The following ZNF142 variants were observed in gnomAD, a reference collection of about 807,000 sequenced individuals.
The protein encoded by ZNF142 is zinc finger protein 142 (clone pHZ-49).
In ZNF142, 96 loss-of-function variants were observed where a neutral mutation model predicts 132.1. That is an observed-to-expected ratio of 0.73 (90% confidence interval 0.62 to 0.86). The LOEUF is 0.86. Ranked by LOEUF, ZNF142 falls within the 40% of genes least tolerant of loss-of-function variation. The pLI is 0.00. For synonymous variants in ZNF142, 842 were observed against 890.1 expected, an observed-to-expected ratio of 0.95 and a Z score of 0.96; for missense variants, 2,163 against 2,336.2, an observed-to-expected ratio of 0.93 and a Z score of 1.53.
chr2:218,649,238 A>G lies in ZNF142; in HGVS notation c.1270T>C (p.Cys424Arg). The G allele has an allele frequency of 6.2e-7, 1 of 1,614,232 alleles. No individual in the cohort carries two copies. Among genetic ancestry groups the G allele is most frequent in the African/African-American group, 1.3e-5 (1 of 75,068 alleles). Residue 424 changes from cysteine (C) to arginine (R), a missense_variant, in exon 7 of 11, where the codon TGC becomes CGC. Physicochemically the swap from Cys to Arg is radical, Grantham distance 180. This residue lies in a region of ZNF142 where 749 missense variants were observed against 830.3 expected (regional missense o/e 0.90). Coordinates refer to ENST00000411696, the MANE Select transcript of ZNF142 (RefSeq NM_001379659.1). Reference protein sequence around the residue: ...LGEKAHHCPLCHYSAVERNAL... With the variant: ...LGEKAHHCPLRHYSAVERNAL... ...TTCCTCTCCACCGCACTGTAGTGGC[A>G]CAGTGGGCAGTGGTGGGCCTTTTCA... is the stretch of plus-strand genomic sequence containing the variant.
Position 218,650,474 on chromosome 2 carries a change from G to A in ZNF142, c.933C>T (p.Pro311=), listed in dbSNP as rs1319592802. 2.5e-6 allele frequency: 4 copies of A among 1,611,102 alleles called. No individual in the cohort carries two copies. The highest frequency in any genetic ancestry group is 3.4e-6 in the Non-Finnish European group (4 of 1,178,770). ...CTTCAGCTGTCTCCTGCCCAGGCAA[G>A]GGTGTACCTGCTTCCTGTGAAGGTT... ...EREPSQEAGT[P]LPGQETAEEE... is the part of the protein sequence containing the mutation. Residue 311 remains proline (P), a synonymous_variant, in exon 6 of 11, where the codon CCC becomes CCT. Coordinates refer to ENST00000411696, the MANE Select transcript of ZNF142 (RefSeq NM_001379659.1).
At chr2:218,652,340 A>G (rs1270381488) in intron 4 of ZNF142, 40 bp from the exon 5 acceptor site, 3 of 456,472 alleles carry the variant, frequency 6.6e-6, no homozygotes, top group South Asian at 4.7e-5. Context: ...ATAGAATCAG[A>G]TGGAACAAGA....
chr2:218,649,502 T>C, intron 6 of ZNF142, 43 bp from the exon 7 acceptor site: 1 of 1,484,426 alleles, frequency 6.7e-7, no homozygotes, highest in African/African-American at 1.4e-5. Flanking sequence ...GAGATTTTTC[T>C]GGGGAAAGCC....
chr2:218,657,170 G>A (rs570777105), intron 3 of ZNF142, among the ~76,000 whole-genome samples: 2 of 152,064 alleles, frequency 1.3e-5, no homozygotes, highest in African/African-American at 4.8e-5. Flanking sequence ...TGGATTATAA[G>A]GAAGGCCCTT....
chr2:218,647,416 C>A (rs564963956), intron 7 of ZNF142, among the ~76,000 whole-genome samples: 1 of 826 alleles, frequency 1.2e-3, no homozygotes, highest in Admixed American at 0.033. Flanking sequence ...GAGCCAGACT[C>A]CATCTCAAAA....
At position 218,642,486 on chromosome 2, in the gene ZNF142, G is replaced by A. The variant is rs774495771; in HGVS notation, c.4630C>T (p.Arg1544Ter). ...GLLCPSPASL[R>*]GHTRKQHPRL... ...GGGTGCTGTTTACGGGTGTGTCCTC[G>A]TAAGCTGGCAGGGCTGGGGCACAGC... Residue 1544 changes from arginine to a stop codon, truncating the protein, a stop_gained, in exon 9 of 11, where the codon CGA (arginine) becomes TGA (stop). Transcript: ENST00000411696. LOFTEE classifies it high-confidence loss of function. The surrounding 1 kb of genome is among the most constrained non-coding windows in gnomAD (Gnocchi z 4.6). 5.0e-6 allele frequency: 8 copies of A among 1,607,918 alleles called. No individual in the cohort carries two copies. Among genetic ancestry groups the A allele is most frequent in the African/African-American group, 1.3e-5 (1 of 74,842 alleles).
Position 218,642,372 on chromosome 2 carries a change from A to G in ZNF142, c.4744T>C (p.Cys1582Arg), listed in dbSNP as rs761517709. Reference protein sequence around the residue: ...HRRQQHFSHRCQLCDFAARER... With the variant: ...HRRQQHFSHRRQLCDFAARER... ...CGGGCAGCAAAGTCACAGAGCTGAC[A>G]GCGGTGGCTGAAATGCTGCTGCCTC... The change falls in exon 9 of 11, where the codon TGT becomes CGT. Residue 1582 changes from cysteine (C) to arginine (R), a missense_variant. Physicochemically the swap from Cys to Arg is radical, Grantham distance 180. Around this residue, in one of 7 missense-constraint regions of ZNF142, gnomAD observed 809 missense variants for 801.7 expected, o/e 1.01. Transcript: ENST00000411696. The surrounding 1 kb of genome is among the most constrained non-coding windows in gnomAD (Gnocchi z 4.6). 1 of 1,613,202 alleles carries G rather than the reference A, an allele frequency of 6.2e-7. No individual in the cohort carries two copies. Among genetic ancestry groups the G allele is most frequent in the South Asian group, 1.1e-5 (1 of 91,088 alleles).
intron 4 of ZNF142, among the ~76,000 whole-genome samples, chr2:218,654,308 T>G (rs1938285625): frequency 6.6e-6 from 1 of 152,134 alleles, no homozygotes; most frequent in Non-Finnish European, 1.5e-5. Context: ...AACATAGTGT[T>G]TCCTATAGCC....
At chr2:218,653,276 CA>C (rs60913477) in intron 4 of ZNF142, among the ~76,000 whole-genome samples, 67,865 of 141,310 alleles carry the variant, frequency 0.48, 18,511 homozygotes, top group East Asian at 0.82. Context: ...GACTCTGTCT[CA>C]AAAAAAAAAA....
rs566838352 is a variant in ZNF142 at position 218,645,062 on chromosome 2, T to C, written c.2054A>G (p.Tyr685Cys). 1.2e-6 allele frequency: 2 copies of C among 1,605,506 alleles called. No homozygotes were observed. Among genetic ancestry groups the C allele is most frequent in the South Asian group, 1.1e-5 (1 of 90,988 alleles). ...HMRKHAGDLR[Y>C]QCNQCSYRCH... Reference sequence around the variant, plus strand: ...GCGATAGGAGCACTGGTTGCACTGATACCTGGCAAGGAGGGAAAGGGGGAG... The same window carrying C: ...GCGATAGGAGCACTGGTTGCACTGACACCTGGCAAGGAGGGAAAGGGGGAG... The change falls in exon 9 of 11, where the codon TAT becomes TGT. Residue 685 changes from tyrosine (Y) to cysteine (C), a missense_variant and splice_region_variant. Tyr to Cys is a radical substitution (Grantham distance 194). This residue lies in a region of ZNF142 where 749 missense variants were observed against 830.3 expected (regional missense o/e 0.90). Transcript: ENST00000411696.
chr2:218,639,733 GA>G (rs34789965), intron 10 of ZNF142, among the ~76,000 whole-genome samples: 9,534 of 101,730 alleles, frequency 0.094, 689 homozygotes, highest in African/African-American at 0.23. Flanking sequence ...CCCTGTCACT[GA>G]AAAAAAAAAA....
At chr2:218,641,990 G>A in intron 9 of ZNF142, 38 bp downstream of exon 9, 14 of 1,592,156 alleles carry the variant, frequency 8.8e-6, no homozygotes, top group African/African-American at 1.3e-5. Context: ...CAGAGCCTGT[G>A]CTCCTTCCAC....
At position 218,636,868 on chromosome 2, in the gene ZNF142, C is replaced by T. The variant is rs373175344; in HGVS notation, c.*1471G>A. 2.0e-6 allele frequency: 1 copy of T among 502,996 alleles called. No homozygotes were observed. The highest frequency in any genetic ancestry group is 2.3e-5 in the Admixed American group (1 of 43,908). The allele number at this position is 502,996 out of a possible 1,614,324, so 31.2% of individuals were successfully genotyped here. A position where few individuals can be genotyped will look rare whatever the true frequency, so the allele number is the denominator to read the frequency against. On this transcript the variant is annotated 3_prime_UTR_variant, in exon 11 of 11. Transcript: ENST00000411696. Reference sequence around the variant, plus strand: ...TCTTCCTCTTGCTGTAGGCTCAATCCCATACCGACATCTACAACTAATCTT... The same window carrying T: ...TCTTCCTCTTGCTGTAGGCTCAATCTCATACCGACATCTACAACTAATCTT...
rs1410851672 is a variant in ZNF142, at chr2:218,644,937, G to A, written c.2179C>T (p.Leu727=). Residue 727 remains leucine, a synonymous_variant, in exon 9 of 11, where the codon CTG becomes TTG. Transcript: ENST00000411696. This position sits in a 1 kb window ranked among gnomAD's most constrained non-coding sequence, Gnocchi z 4.6. ...TGCTGGGAAGCCATGTGCTTCTGCA[G>A]CTCATACTTCCGCTTGCAGGCGAAG... ...CAFACKRKYE[L]QKHMASQHHP... 1 of 1,614,202 alleles carries A rather than the reference G, an allele frequency of 6.2e-7. No individual in the cohort carries two copies. Among genetic ancestry groups the A allele is most frequent in the South Asian group, 1.1e-5 (1 of 91,088 alleles).
rs375904295 is a variant in ZNF142, at chr2:218,638,582, G to A, written c.5421C>T (p.Gly1807=). ...TGTGGGTGAGGGCATGATGGCGCAG[G>A]CCAGCAGCCCAGCGGAAAGCACGGT... ...VCHRAFRWAA[G]LRHHALTHTD... The change falls in exon 11 of 11, where the codon GGC becomes GGT. Residue 1807 remains glycine, a synonymous_variant. Coordinates refer to ENST00000411696, the MANE Select transcript of ZNF142 (RefSeq NM_001379659.1). 3.1e-6 allele frequency: 5 copies of A among 1,612,436 alleles called. No homozygotes were observed. In the African/African-American group the frequency reaches 6.7e-5, roughly 22 times the overall value.
Position 218,649,395 on chromosome 2 carries a change from G to A in ZNF142, c.1113C>T (p.Cys371=). The stretch of plus-strand genomic sequence containing the variant: ...CCACCAGATGAGTCCGCTTCTTAAA[G>A]CAGCGCTTACACTCTGGACACATAT... The part of the protein sequence containing the change: ...KTHMCPECKR[C]FKKRTHLVEH... The change falls in exon 7 of 11, where the codon TGC becomes TGT. Residue 371 remains cysteine, a synonymous_variant. Coordinates refer to ENST00000411696, the MANE Select transcript of ZNF142 (RefSeq NM_001379659.1). 6.2e-7 allele frequency: 1 copy of A among 1,613,712 alleles called. No homozygotes were observed. The highest frequency in any genetic ancestry group is 8.5e-7 in the Non-Finnish European group (1 of 1,179,822).
At chr2:218,647,290 G>A (rs923145538) in intron 7 of ZNF142, among the ~76,000 whole-genome samples, 14 of 151,704 alleles carry the variant, frequency 9.2e-5, no homozygotes, top group Admixed American at 2.6e-4. Flanking sequence ...GGGCATGGTG[G>A]TAGATGCCTG....
Position 218,652,224 on chromosome 2 carries a change from G to A in ZNF142, c.357C>T (p.Ala119=), listed in dbSNP as rs753941890. Reference sequence around the variant, plus strand: ...TATGGGTCTCACTGCACTGGTGCAGGGCCAGCAGAGTGGGCTCTGCGAAGC... The same window carrying A: ...TATGGGTCTCACTGCACTGGTGCAGAGCCAGCAGAGTGGGCTCTGCGAAGC... ...EQSFAEPTLL[A]LHQCSETHIQ... The change falls in exon 5 of 11, where the codon GCC becomes GCT. Residue 119 remains alanine, a synonymous_variant. Transcript: ENST00000411696. The A allele has an allele frequency of 1.1e-5, 5 of 456,684 alleles. No homozygotes were observed. Among genetic ancestry groups the A allele is most frequent in the African/African-American group, 1.0e-4 (5 of 50,066 alleles). The allele number at this position is 456,684 out of a possible 1,614,324, so 28.3% of individuals were successfully genotyped here.
intron 3 of ZNF142, among the ~76,000 whole-genome samples, chr2:218,657,323 CT>C (rs1394992699): frequency 1.3e-5 from 2 of 152,220 alleles, no homozygotes; most frequent in African/African-American, 2.4e-5. Flanking sequence ...TTTTGCGTCT[CT>C]TGGCTTGATA....
Sources: gnomAD v4.1 joint callset for allele counts (sites outside exome capture counted in the v4.1 genomes callset) on GRCh38, gnomAD v4.1.1 for gene constraint, gnomAD v4.1.1 regional missense constraint, Gnocchi (gnomAD v3.1) non-coding constraint, MANE v1.5 for transcripts, NCBI Gene and HGNC (gene_info 2026-07-23, HGNC 2026-07-21) for gene names.